Variants in FRMD6 observed in about 807,000 individuals in gnomAD.
The protein encoded by FRMD6 is FERM domain-containing protein 6.
FRMD6 carries 37 observed loss-of-function variants against 73.2 expected under a neutral mutation model. The ratio of observed to expected loss-of-function variants is 0.51; its 90% CI spans 0.39 to 0.66. The LOEUF (loss-of-function observed/expected upper bound fraction) is 0.66. FRMD6 is among the 30% of genes least tolerant of loss of function. The pLI, the probability that FRMD6 is intolerant of heterozygous loss-of-function variation, is 0.00. For missense variants in FRMD6, 714 were observed against 780.5 expected, an observed-to-expected ratio of 0.91 and a Z score of 1.02; for synonymous variants, 273 against 282.2, an observed-to-expected ratio of 0.97 and a Z score of 0.33.
At chr14:51,588,665 C>T (rs1889195007) in intron 2 of FRMD6, among the ~76,000 whole-genome samples, 1 of 152,176 alleles carries the variant, frequency 6.6e-6, no homozygotes, top group Non-Finnish European at 1.5e-5. Flanking sequence ...ACTTCCACCC[C>T]AGGCTGCCCC....
Position 51,721,946 on chromosome 14 carries a change from C to T in FRMD6, c.1361-3C>T, listed in dbSNP as rs748416077. The T allele has an allele frequency of 8.1e-6, 13 of 1,613,830 alleles. No homozygotes were observed. The East Asian group carries it at 2.9e-4, about 36-fold the overall frequency. On this transcript the variant is annotated splice_region_variant and splice_polypyrimidine_tract_variant and intron_variant, in intron 11 of 13. Coordinates refer to ENST00000344768, the MANE Select transcript of FRMD6 (RefSeq NM_001267046.2). ...TAACTATCTTTTCCTTCTTCTGTGT[C>T]AGAAATAGAGATGTTGGTTGATGAC...
rs149848813 is a variant in FRMD6 at position 51,727,796 on chromosome 14, G to A, written c.1636G>A (p.Asp546Asn). 109 of 1,613,084 alleles carry A rather than the reference G, an allele frequency of 6.8e-5. No individual in the cohort carries two copies. The African/African-American group carries it at 9.6e-4, about 14-fold the overall frequency. Residue 546 changes from aspartate to asparagine, a missense_variant, in exon 14 of 14, where the codon GAT becomes AAT. Transcript: ENST00000344768. ...CACTGATCGACACAGCTTGAGCCTC[G>A]ATGACATCAGACTTTACCAGAAAGA... ...TSTDRHSLSL[D>N]DIRLYQKDFL... is the part of the protein sequence containing the mutation.
intron 2 of FRMD6, among the ~76,000 whole-genome samples, chr14:51,612,098 A>G (rs534673708): frequency 3.9e-5 from 6 of 152,338 alleles, no homozygotes; most frequent in African/African-American, 1.4e-4. Flanking sequence ...AATTATTTTC[A>G]TAACAAAATA....
chr14:51,626,000 T>C (rs1289259700), intron 2 of FRMD6, among the ~76,000 whole-genome samples: 1 of 152,212 alleles, frequency 6.6e-6, no homozygotes, highest in Non-Finnish European at 1.5e-5. Context: ...CAATAAATGT[T>C]GAATAAATTG....
intron 2 of FRMD6, among the ~76,000 whole-genome samples, chr14:51,589,256 A>G (rs1889231710): frequency 6.6e-6 from 1 of 152,106 alleles, no homozygotes; most frequent in Non-Finnish European, 1.5e-5. Context: ...AAGGTCCTAG[A>G]GAGTATTTAT....
At chr14:51,482,421 G>A in the FRMD6 span, among the ~76,000 whole-genome samples, 1 of 152,206 alleles carries the variant, frequency 6.6e-6, no homozygotes, top group African/African-American at 2.4e-5. Flanking sequence ...CTAGAACAAA[G>A]CTCAACCTGC....
chr14:51,465,272 TTTA>T, the FRMD6 span, among the ~76,000 whole-genome samples: 1 of 152,154 alleles, frequency 6.6e-6, no homozygotes, highest in Non-Finnish European at 1.5e-5. Flanking sequence ...TGAAAAAAAT[TTTA>T]TTGAGCCATA....
At chr14:51,504,322 C>T (rs766110816) in intron 1 of FRMD6, among the ~76,000 whole-genome samples, 1 of 152,198 alleles carries the variant, frequency 6.6e-6, no homozygotes, top group African/African-American at 2.4e-5. Context: ...TGTACTGGGG[C>T]GTACTGACCT....
chr14:51,699,969 C>T (rs140697833), intron 3 of FRMD6, among the ~76,000 whole-genome samples: 2 of 151,982 alleles, frequency 1.3e-5, no homozygotes, highest in East Asian at 1.9e-4. Context: ...TCTTTTCTAA[C>T]CCTTTCATTA....
upstream of FRMD6, among the ~76,000 whole-genome samples, chr14:51,487,537 T>C (rs1053303680): frequency 3.9e-5 from 6 of 152,254 alleles, no homozygotes; most frequent in Admixed American, 1.3e-4. Context: ...GCTGCTGTTC[T>C]ATGGGTCACA....
intron 2 of FRMD6, among the ~76,000 whole-genome samples, chr14:51,604,973 A>G (rs1890190185): frequency 2.0e-5 from 3 of 152,166 alleles, no homozygotes; most frequent in Non-Finnish European, 4.4e-5. Context: ...GTAATGGCCT[A>G]TGCGAGCTGT....
intron 1 of FRMD6, among the ~76,000 whole-genome samples, chr14:51,683,511 A>C (rs1594726502): frequency 6.6e-6 from 1 of 150,944 alleles, no homozygotes; most frequent in Non-Finnish European, 1.5e-5. Flanking sequence ...CTGGTCTCCA[A>C]CTCCTAACCT....
At chr14:51,619,718 C>G (rs1193850142) in intron 2 of FRMD6, among the ~76,000 whole-genome samples, 1 of 152,182 alleles carries the variant, frequency 6.6e-6, no homozygotes, top group African/African-American at 2.4e-5. Context: ...CTTCTAGCAG[C>G]TCGTCCATGG....
At chr14:51,515,659 C>A in intron 1 of FRMD6, among the ~76,000 whole-genome samples, 1 of 152,176 alleles carries the variant, frequency 6.6e-6, no homozygotes, top group East Asian at 1.9e-4. Flanking sequence ...GCCAGGACAC[C>A]AATTTCTGGG....
Position 51,690,051 on chromosome 14 carries a change from G to T in FRMD6, c.99+116G>T, listed in dbSNP as rs977008902. 8.1e-6 allele frequency: 6 copies of T among 738,316 alleles called. No homozygotes were observed. The African/African-American group carries it at 1.0e-4, about 13-fold the overall frequency. The allele number at this position is 738,316 out of a possible 1,614,324, so 45.7% of individuals were successfully genotyped here. The stretch of plus-strand genomic sequence containing the variant: ...ACAGAATTAGGGCAGTAATCATGTG[G>T]CAGAATTGGGTTGTCAAATAGTCCA... On this transcript the variant is annotated intron_variant, in intron 2 of 13. Transcript: ENST00000344768.
At chr14:51,413,336 G>A in the FRMD6 span, among the ~76,000 whole-genome samples, 9 of 152,014 alleles carry the variant, frequency 5.9e-5, no homozygotes, top group African/African-American at 2.2e-4. Flanking sequence ...CAGGCCCAAG[G>A]GTGTGATGTT....
At chr14:51,552,893 T>C (rs1384484465) in intron 1 of FRMD6, among the ~76,000 whole-genome samples, 2 of 152,122 alleles carry the variant, frequency 1.3e-5, no homozygotes, top group Non-Finnish European at 2.9e-5. Context: ...CACGTTGCTC[T>C]CATGAGCCAG....
intron 1 of FRMD6, among the ~76,000 whole-genome samples, chr14:51,668,451 A>G (rs777125421): frequency 1.3e-4 from 20 of 152,018 alleles, no homozygotes; most frequent in Admixed American, 2.6e-4. Context: ...GATTACAGGC[A>G]TGCACTACCA....
the FRMD6 span, among the ~76,000 whole-genome samples, chr14:51,464,161 A>C: frequency 8.1e-3 from 1,232 of 152,322 alleles, 9 homozygotes; most frequent in Non-Finnish European, 0.013. Context: ...TCCAACCTAA[A>C]ACTCAACTCT....
Sources: allele counts gnomAD v4.1 joint callset (sites outside exome capture counted in the v4.1 genomes callset), GRCh38; gene constraint gnomAD v4.1.1; transcripts MANE v1.5; gene names NCBI Gene and HGNC (gene_info 2026-07-23, HGNC 2026-07-21).